Variants in ZCWPW2 observed in about 807,000 individuals in gnomAD.
The protein encoded by ZCWPW2 is zinc finger CW-type PWWP domain protein 2.
A neutral mutation model predicts 46.6 loss-of-function variants in ZCWPW2; 45 were observed. That is an observed-to-expected ratio of 0.96 (90% CI 0.76 to 1.24). The LOEUF (loss-of-function observed/expected upper bound fraction) is 1.24, where lower values mean the gene tolerates loss of function less well. ZCWPW2 is among the 50% of genes most tolerant of loss of function. The probability of loss-of-function intolerance (pLI) is 0.00; values close to 1 mark genes in which losing one functional copy is unlikely to be tolerated. For missense variants in ZCWPW2, 429 were observed against 403.9 expected (o/e 1.06, Z -0.53); for synonymous variants, 152 against 137.1 (o/e 1.11, Z -0.76).
intron 6 of ZCWPW2, among the ~76,000 whole-genome samples, chr3:28,505,053 G>T (rs1700240747): frequency 6.6e-6 from 1 of 152,044 alleles, no homozygotes; most frequent in Admixed American, 6.6e-5. Context: ...AAGTTTCCTG[G>T]TACTCCTATC....
intron 1 of ZCWPW2, among the ~76,000 whole-genome samples, chr3:28,357,983 CA>C (rs945600562): frequency 6.6e-6 from 1 of 151,614 alleles, no homozygotes; most frequent in African/African-American, 2.4e-5. Flanking sequence ...AAGTCTCCCT[CA>C]AAAATGTGTT....
chr3:28,524,376 A>G lies in ZCWPW2; in HGVS notation c.910-151A>G. On this transcript the variant is annotated intron_variant, in intron 9 of 9. Coordinates refer to ENST00000383768, the MANE Select transcript of ZCWPW2 (RefSeq NM_001040432.4). ...TCTTATATTAACACATTCATCCTGC[A>G]TTATACTATATATAGTGATTATTAT... 6.0e-6 allele frequency: 4 copies of G among 668,652 alleles called. No individual in the cohort carries two copies. The South Asian group carries it at 9.9e-5, about 17-fold the overall frequency. The allele number at this position is 668,652 out of a possible 1,614,324, so 41.4% of individuals were successfully genotyped here.
At chr3:28,377,984 C>G (rs1038131735) in intron 1 of ZCWPW2, among the ~76,000 whole-genome samples, 1 of 152,032 alleles carries the variant, frequency 6.6e-6, no homozygotes, top group African/African-American at 2.4e-5. Context: ...TGTTTTCGTC[C>G]TTTCTACCTT....
intron 2 of ZCWPW2, among the ~76,000 whole-genome samples, chr3:28,394,274 A>T (rs1231048369): frequency 6.6e-6 from 1 of 152,134 alleles, no homozygotes; most frequent in Non-Finnish European, 1.5e-5. Context: ...AAATTGAAAA[A>T]TAAACAAATG....
At chr3:28,363,286 G>A (rs1245675831) in intron 1 of ZCWPW2, among the ~76,000 whole-genome samples, 7 of 151,666 alleles carry the variant, frequency 4.6e-5, no homozygotes, top group Non-Finnish European at 8.8e-5. Flanking sequence ...TAATAATAAC[G>A]CAATGACAAC....
intron 2 of ZCWPW2, among the ~76,000 whole-genome samples, chr3:28,393,365 T>C (rs1407956492): frequency 2.0e-5 from 3 of 152,140 alleles, no homozygotes; most frequent in Non-Finnish European, 2.9e-5. Context: ...TATTTAAAGA[T>C]GAATTAATAT....
chr3:28,465,180 C>T (rs1047742100), intron 4 of ZCWPW2, among the ~76,000 whole-genome samples: 14 of 151,932 alleles, frequency 9.2e-5, no homozygotes, highest in Admixed American at 8.5e-4. Flanking sequence ...TGTTCCAAAC[C>T]AAATATTTAT....
chr3:28,373,602 A>G (rs1348333302), intron 1 of ZCWPW2, among the ~76,000 whole-genome samples: 1 of 151,974 alleles, frequency 6.6e-6, no homozygotes, highest in Non-Finnish European at 1.5e-5. Context: ...CAGCCTCCCA[A>G]ATAGCTGGGA....
chr3:28,513,777 C>T (rs1282077609), intron 6 of ZCWPW2, among the ~76,000 whole-genome samples: 3 of 151,598 alleles, frequency 2.0e-5, no homozygotes, highest in Non-Finnish European at 4.4e-5. Context: ...ACAACTTTAA[C>T]GTGTTTTTAT....
At chr3:28,490,990 A>G (rs1013256397) in intron 5 of ZCWPW2, among the ~76,000 whole-genome samples, 1 of 152,142 alleles carries the variant, frequency 6.6e-6, no homozygotes, top group Non-Finnish European at 1.5e-5. Context: ...GTATTATTGA[A>G]CACTTACTGC....
At position 28,402,581 on chromosome 3, in the gene ZCWPW2, C is replaced by T. The variant is rs79375115; in HGVS notation, c.-13-10475C>T. ...AGCCAGTATCACCCTAATACCAAAA[C>T]GAGAAAAAGACATAAGCAAAAAAGA... On this transcript the variant is annotated intron_variant, in intron 2 of 9. Coordinates refer to ENST00000383768, the MANE Select transcript of ZCWPW2 (RefSeq NM_001040432.4). Among the ~76,000 whole-genome samples the T allele has an allele frequency of 8.5e-3, 1,299 of 152,202 alleles. 50 individuals are homozygous for T. Among genetic ancestry groups the T allele is most frequent in the Admixed American group, 0.065 (1,000 of 15,286 alleles).
At chr3:28,495,138 A>G (rs1409246512) in intron 6 of ZCWPW2, among the ~76,000 whole-genome samples, 4 of 151,906 alleles carry the variant, frequency 2.6e-5, no homozygotes, top group Non-Finnish European at 5.9e-5. Flanking sequence ...CTAAGCCAAA[A>G]GAACAAAGCT....
intron 8 of ZCWPW2, among the ~76,000 whole-genome samples, chr3:28,518,005 A>G (rs1466853424): frequency 2.6e-5 from 4 of 151,924 alleles, no homozygotes. Flanking sequence ...GTGTGGTGGT[A>G]CGTGCCTGTA....
intron 1 of ZCWPW2, among the ~76,000 whole-genome samples, chr3:28,374,698 T>C (rs1336530655): frequency 6.6e-6 from 1 of 152,118 alleles, no homozygotes; most frequent in Non-Finnish European, 1.5e-5. Context: ...ACTTATTTGG[T>C]TAAATTGATT....
chr3:28,370,166 G>C (rs1045579314), intron 1 of ZCWPW2, among the ~76,000 whole-genome samples: 8 of 152,140 alleles, frequency 5.3e-5, no homozygotes, highest in Admixed American at 4.6e-4. Context: ...CCACTGTCCT[G>C]CACCCACTTT....
intron 2 of ZCWPW2, among the ~76,000 whole-genome samples, chr3:28,409,459 A>T (rs1364800578): frequency 6.6e-6 from 1 of 152,088 alleles, no homozygotes; most frequent in African/African-American, 2.4e-5. Flanking sequence ...CATTCAGTGA[A>T]TACTGTTAGG....
chr3:28,454,003 C>A (rs2125782388), intron 4 of ZCWPW2, among the ~76,000 whole-genome samples: 1 of 151,644 alleles, frequency 6.6e-6, no homozygotes, highest in Non-Finnish European at 1.5e-5. Flanking sequence ...CGCCACCACG[C>A]CCGGCTAATT....
chr3:28,468,962 A>C (rs1598846), intron 4 of ZCWPW2, among the ~76,000 whole-genome samples: 1 of 152,044 alleles, frequency 6.6e-6, no homozygotes, highest in Non-Finnish European at 1.5e-5. Context: ...ACTGCTCTTC[A>C]GTGGAAAGAC....
At chr3:28,451,091 T>A (rs769257735) in intron 4 of ZCWPW2, among the ~76,000 whole-genome samples, 1 of 152,116 alleles carries the variant, frequency 6.6e-6, no homozygotes, top group Non-Finnish European at 1.5e-5. Context: ...ATGTTTGAGG[T>A]GTCGGTTTGC....
Sources: gnomAD v4.1 joint callset for allele counts (sites outside exome capture counted in the v4.1 genomes callset) on GRCh38, gnomAD v4.1.1 for gene constraint, MANE v1.5 for transcripts, NCBI Gene and HGNC (gene_info 2026-07-23, HGNC 2026-07-21) for gene names.